Variants in DCDC1 observed in about 807,000 individuals in gnomAD.
The protein encoded by DCDC1 is doublecortin domain-containing protein 1.
A neutral mutation model predicts 178.3 loss-of-function variants in DCDC1; 200 were observed. The observed-to-expected ratio is 1.12, with a 90% confidence interval of 1.00 to 1.26. The LOEUF is 1.26. Ranked by LOEUF, DCDC1 falls within the 50% of genes most tolerant of loss-of-function variation. The pLI is 0.00. For missense variants in DCDC1, 1,983 were observed against 1,749.2 expected (o/e 1.13, Z -2.38); for synonymous variants, 690 against 604.8 (o/e 1.14, Z -2.07).
chr11:31,295,432 C>T (rs566052327), intron 6 of DCDC1, among the ~76,000 whole-genome samples: 1 of 152,164 alleles, frequency 6.6e-6, no homozygotes, highest in South Asian at 2.1e-4. Context: ...TGCTTTGAGT[C>T]CTGGCTGTGA....
intron 10 of DCDC1, among the ~76,000 whole-genome samples, chr11:31,128,086 A>AAT (rs1241464771): frequency 6.6e-6 from 1 of 151,908 alleles, no homozygotes; most frequent in African/African-American, 2.4e-5. Flanking sequence ...TTAAATTTTC[A>AAT]ATATATATAT....
Position 31,029,961 on chromosome 11 carries a change from TAAG to T in DCDC1, c.2591+34505_2591+34507del, listed in dbSNP as rs561481397. On this transcript the variant is annotated intron_variant, in intron 20 of 38. Coordinates refer to ENST00000684477, the MANE Select transcript of DCDC1 (RefSeq NM_001387274.1). ...TGACAAAAGGAAGCCCCCCTCCATGTAAGATGATAATTTTCATAATATACACAG... is the reference window on the plus strand; with the variant it reads ...TGACAAAAGGAAGCCCCCCTCCATGTATGATAATTTTCATAATATACACAG... 7.2e-5 allele frequency among the ~76,000 whole-genome samples: 11 copies of T among 152,278 alleles called. No homozygotes were observed. The East Asian group carries it at 1.7e-3, about 24-fold the overall frequency.
At chr11:31,196,035 A>G (rs1591371589) in intron 9 of DCDC1, among the ~76,000 whole-genome samples, 1 of 151,896 alleles carries the variant, frequency 6.6e-6, no homozygotes, top group Middle Eastern at 3.4e-3. Context: ...TTGATTCTTG[A>G]GTCTGCTTTT....
intron 21 of DCDC1, among the ~76,000 whole-genome samples, chr11:30,950,807 T>C (rs1948373703): frequency 6.6e-6 from 1 of 151,924 alleles, no homozygotes; most frequent in Non-Finnish European, 1.5e-5. Flanking sequence ...CACGATAGAA[T>C]GACTAAACAG....
At chr11:31,199,125 T>G (rs528310099) in intron 9 of DCDC1, among the ~76,000 whole-genome samples, 25 of 152,156 alleles carry the variant, frequency 1.6e-4, no homozygotes, top group Non-Finnish European at 3.1e-4. Flanking sequence ...CCAATTTTAA[T>G]TACTTAATCA....
chr11:31,078,074 C>A (rs1956969280), intron 17 of DCDC1, 149 bp from the exon 18 acceptor site: 1 of 631,970 alleles, frequency 1.6e-6, no homozygotes, highest in Non-Finnish European at 2.8e-6. Context: ...TTTATCTCAG[C>A]AGCTAAAGCT....
chr11:31,286,942 T>C (rs1946880855), intron 7 of DCDC1, among the ~76,000 whole-genome samples: 1 of 152,030 alleles, frequency 6.6e-6, no homozygotes, highest in Non-Finnish European at 1.5e-5. Context: ...GCTAGTACAT[T>C]GCTCAAATTG....
intron 8 of DCDC1, among the ~76,000 whole-genome samples, chr11:31,256,949 T>A (rs1402395990): frequency 6.6e-6 from 1 of 152,160 alleles, no homozygotes; most frequent in Admixed American, 6.5e-5. Flanking sequence ...CCTTCCTTAC[T>A]GTGTAGGCTG....
intron 3 of DCDC1, among the ~76,000 whole-genome samples, chr11:31,310,147 ATTTG>A (rs1489344478): frequency 6.6e-6 from 1 of 151,998 alleles, no homozygotes; most frequent in Non-Finnish European, 1.5e-5. Flanking sequence ...TCAACTATAT[ATTTG>A]TTTATTTATT....
chr11:31,084,871 T>C (rs545156045), intron 17 of DCDC1, among the ~76,000 whole-genome samples: 1 of 148,146 alleles, frequency 6.8e-6, no homozygotes, highest in South Asian at 2.1e-4. Context: ...GACCTCAATA[T>C]TTCATCAGCT....
intron 20 of DCDC1, among the ~76,000 whole-genome samples, chr11:31,061,397 C>T (rs980461141): frequency 1.3e-5 from 2 of 151,960 alleles, no homozygotes; most frequent in Non-Finnish European, 1.5e-5. Context: ...CTTATTTTAT[C>T]GAAGCAAGGA....
chr11:31,219,546 G>C (rs1188408815), intron 9 of DCDC1, among the ~76,000 whole-genome samples: 1 of 149,496 alleles, frequency 6.7e-6, no homozygotes, highest in Non-Finnish European at 1.5e-5. Flanking sequence ...ATAAATAATT[G>C]AAAGAAAGAT....
intron 17 of DCDC1, among the ~76,000 whole-genome samples, chr11:31,086,657 T>C (rs1249342286): frequency 6.6e-6 from 1 of 152,226 alleles, no homozygotes; most frequent in Non-Finnish European, 1.5e-5. Context: ...CCTATGTTTT[T>C]ATCTAAGATA....
chr11:31,016,442 G>A (rs1952491431), intron 20 of DCDC1, among the ~76,000 whole-genome samples: 1 of 152,168 alleles, frequency 6.6e-6, no homozygotes, highest in South Asian at 2.1e-4. Flanking sequence ...ATAAAAGCAG[G>A]TATGTGGAGA....
intron 20 of DCDC1, among the ~76,000 whole-genome samples, chr11:31,051,548 G>A (rs941430585): frequency 6.6e-6 from 1 of 152,198 alleles, no homozygotes; most frequent in Admixed American, 6.5e-5. Flanking sequence ...TTAAGATGAA[G>A]GAAAGAATCT....
At chr11:31,175,962 A>G (rs749710474) in intron 9 of DCDC1, among the ~76,000 whole-genome samples, 3 of 152,242 alleles carry the variant, frequency 2.0e-5, no homozygotes, top group South Asian at 2.1e-4. Context: ...CTAGATGCAC[A>G]GATATCAATG....
chr11:31,103,472 T>C (rs1591054562), intron 14 of DCDC1, among the ~76,000 whole-genome samples, 172 bp downstream of exon 14: 1 of 152,326 alleles, frequency 6.6e-6, no homozygotes, highest in East Asian at 1.9e-4. Context: ...ACAAGTCTTT[T>C]AGGCACTACC....
rs141104419 is a variant in DCDC1 at position 30,878,162 on chromosome 11, A to G, written c.*40+382T>C. Among the ~76,000 whole-genome samples the G allele has an allele frequency of 4.6e-3, 695 of 152,258 alleles. 8 individuals are homozygous for G. Among genetic ancestry groups the G allele is most frequent in the African/African-American group, 0.016 (652 of 41,556 alleles). On this transcript the variant is annotated intron_variant, in intron 38 of 38. Transcript: ENST00000684477. ...TAAAATGCGGAGGGTAATAACCTTC[A>G]AAAAAGATCGCTGGGTGCAGTGGCT...
chr11:31,215,638 A>C (rs1283555636), intron 9 of DCDC1, among the ~76,000 whole-genome samples: 2 of 151,866 alleles, frequency 1.3e-5, no homozygotes, highest in Non-Finnish European at 2.9e-5. Flanking sequence ...ACTAAAATAC[A>C]AAAAATTAGC....
Sources: allele counts gnomAD v4.1 joint callset (sites outside exome capture counted in the v4.1 genomes callset), GRCh38; gene constraint gnomAD v4.1.1; transcripts MANE v1.5; gene names NCBI Gene and HGNC (gene_info 2026-07-23, HGNC 2026-07-21).